The following GMNC variants were observed in gnomAD, a reference collection of about 807,000 sequenced individuals.
GMNC encodes the protein geminin coiled-coil domain-containing protein 1.
GMNC carries 16 observed loss-of-function variants against 33.6 expected under a neutral mutation model. The ratio of observed to expected loss-of-function variants is 0.48; its 90% confidence interval spans 0.32 to 0.72. The LOEUF (loss-of-function observed/expected upper bound fraction) is 0.72. GMNC is among the 30% of genes least tolerant of loss of function. The pLI is 0.03. For missense variants in GMNC, 393 were observed against 388.9 expected (o/e 1.01, Z -0.09); for synonymous variants, 156 against 147.3 (o/e 1.06, Z -0.43).
chr3:190,859,547 G>A (rs1469037419), intron 2 of GMNC, among the ~76,000 whole-genome samples: 1 of 152,150 alleles, frequency 6.6e-6, no homozygotes, highest in African/African-American at 2.4e-5. Context: ...TTATGTGGTA[G>A]CACTTTCTAC....
At position 190,857,834 on chromosome 3, in the gene GMNC, G is replaced by C. The variant is rs1281786765; in HGVS notation, c.333C>G (p.Leu111=). 2 of 1,550,938 alleles carry C rather than the reference G, an allele frequency of 1.3e-6. No individual in the cohort carries two copies. The highest frequency in any genetic ancestry group is 1.4e-5 in the African/African-American group (1 of 73,144). Residue 111 remains leucine (L), a synonymous_variant, in exon 4 of 5, where the codon CTC becomes CTG. Coordinates refer to ENST00000442080, the MANE Select transcript of GMNC (RefSeq NM_001146686.3). ...CCAAAGCAGAATTCAGGTATTGTCT[G>C]AGGTGATTATTCTCTTCGTGTAACC... ...LARLHEENNH[L]RQYLNSALVK... is the part of the protein sequence containing the mutation.
the GMNC span, among the ~76,000 whole-genome samples, chr3:190,844,411 G>T: frequency 6.6e-6 from 1 of 151,318 alleles, no homozygotes; most frequent in African/African-American, 2.4e-5. Context: ...TTTATACAAT[G>T]AAGTTGCAAT....
At chr3:190,856,946 A>T (rs1737760719) in intron 4 of GMNC, among the ~76,000 whole-genome samples, 2 of 151,706 alleles carry the variant, frequency 1.3e-5, no homozygotes, top group African/African-American at 2.4e-5. Context: ...TTTTTAACAA[A>T]GGCAACTGAA....
Position 190,855,826 on chromosome 3 carries a change from A to C in GMNC, c.474T>G (p.Ala158=). 6.4e-7 allele frequency: 1 copy of C among 1,551,134 alleles called. No homozygotes were observed. The highest frequency in any genetic ancestry group is 1.2e-5 in the South Asian group (1 of 84,052). ...TGGCATTTTTGGGATGGGGAATCTCAGCAGGAGAGTATCTTTGCTCTTTGG... is the reference window on the plus strand; with the variant it reads ...TGGCATTTTTGGGATGGGGAATCTCCGCAGGAGAGTATCTTTGCTCTTTGG... ...RKSKEQRYSP[A]EIPHPKNAKR... The change falls in exon 5 of 5, where the codon GCT becomes GCG. Residue 158 remains alanine, a synonymous_variant. Transcript: ENST00000442080.
chr3:190,858,818 T>C, intron 3 of GMNC, 110 bp downstream of exon 3: 1 of 624,190 alleles, frequency 1.6e-6, no homozygotes, highest in South Asian at 2.2e-5. Context: ...GTCACTTTGG[T>C]TCTAAACTGA....
chr3:190,846,065 C>T, the GMNC span, among the ~76,000 whole-genome samples: 2 of 151,916 alleles, frequency 1.3e-5, no homozygotes, highest in African/African-American at 4.8e-5. Flanking sequence ...CAGCCCTTAC[C>T]AAAAATACAC....
Position 190,859,117 on chromosome 3 carries a change from T to C in GMNC, c.179-101A>G. The C allele has an allele frequency of 4.1e-6, 3 of 730,570 alleles. No homozygotes were observed. In the South Asian group the frequency reaches 5.6e-5, roughly 14 times the overall value. The allele number at this position is 730,570 out of a possible 1,614,324, so 45.3% of individuals were successfully genotyped here. On this transcript the variant is annotated intron_variant, in intron 2 of 4. Transcript: ENST00000442080. Reference sequence around the variant, plus strand: ...TCAGAAAGTTTAATAGGTTCAATTATTTTTCTTAAACAGCTATTGCTGCCA... The same window carrying C: ...TCAGAAAGTTTAATAGGTTCAATTACTTTTCTTAAACAGCTATTGCTGCCA...
chr3:190,851,548 G>A (rs139695321), downstream of GMNC, among the ~76,000 whole-genome samples: 2 of 152,268 alleles, frequency 1.3e-5, no homozygotes, highest in African/African-American at 2.4e-5. Flanking sequence ...CTCATTTATA[G>A]CCAAGTTAGT....
At chr3:190,850,521 A>G (rs1394300946), downstream of GMNC, among the ~76,000 whole-genome samples, 1 of 152,184 alleles carries the variant, frequency 6.6e-6, no homozygotes, top group Non-Finnish European at 1.5e-5. Context: ...CGTTTGCAGG[A>G]GTGAGGAGCC....
Position 190,855,709 on chromosome 3 carries a change from G to A in GMNC, c.591C>T (p.Asp197=). The change falls in exon 5 of 5, where the codon GAC becomes GAT. Residue 197 remains aspartate (D), a synonymous_variant. Coordinates refer to ENST00000442080, the MANE Select transcript of GMNC (RefSeq NM_001146686.3). The stretch of plus-strand genomic sequence containing the variant: ...ATGAGGTGTCATCGATAGTGTCAAG[G>A]TCTTTTAACCCAAGTGTTTGAAGGA... ...PWVLQTLGLK[D]LDTIDDTSSA... The A allele has an allele frequency of 6.4e-7, 1 of 1,551,554 alleles. No individual in the cohort carries two copies. Among genetic ancestry groups the A allele is most frequent in the Non-Finnish European group, 8.7e-7 (1 of 1,146,898 alleles).
rs986651399 is a variant in GMNC, at chr3:190,856,398, T to C, written c.385-483A>G. Among the ~76,000 whole-genome samples, 96 of 138,840 alleles carry C rather than the reference T, an allele frequency of 6.9e-4. 3 individuals carry two copies. Among genetic ancestry groups the C allele is most frequent in the Non-Finnish European group, 1.0e-3 (67 of 65,314 alleles). 91.1% of individuals were successfully genotyped at this position (138,840 alleles called of 152,430 possible). A position where few individuals can be genotyped will look rare whatever the true frequency, so the allele number is the denominator to read the frequency against. ...AAATAGATATATTTATAAATATTTATATATTTATAAATATATTAATAAATA... is the reference window on the plus strand; with the variant it reads ...AAATAGATATATTTATAAATATTTACATATTTATAAATATATTAATAAATA... On this transcript the variant is annotated intron_variant, in intron 4 of 4. Coordinates refer to ENST00000442080, the MANE Select transcript of GMNC (RefSeq NM_001146686.3).
rs1737892656 is a variant in GMNC, at chr3:190,862,405, G to A, written c.3+208C>T. Among the ~76,000 whole-genome samples, 1 of 142,398 alleles carries A rather than the reference G, an allele frequency of 7.0e-6. No individual in the cohort carries two copies. 93.4% of individuals were successfully genotyped at this position (142,398 alleles called of 152,430 possible). ...GAGAGAGAAAGGAGAGAAAGAAGAGGGAGAGAGGGAGAGAAAGAGAGAGAG... is the reference window on the plus strand; with the variant it reads ...GAGAGAGAAAGGAGAGAAAGAAGAGAGAGAGAGGGAGAGAAAGAGAGAGAG... On this transcript the variant is annotated intron_variant, in intron 1 of 4. Coordinates refer to ENST00000442080, the MANE Select transcript of GMNC (RefSeq NM_001146686.3). This position sits in a 1 kb window ranked among gnomAD's most constrained non-coding sequence, Gnocchi z 4.5.
At chr3:190,846,092 G>A in the GMNC span, among the ~76,000 whole-genome samples, 1 of 152,062 alleles carries the variant, frequency 6.6e-6, no homozygotes, top group African/African-American at 2.4e-5. Flanking sequence ...AGCCAGGTGT[G>A]ATGGCATGCA....
intron 3 of GMNC, 37 bp downstream of exon 3, chr3:190,858,891 G>T (rs750304538): frequency 1.6e-6 from 2 of 1,229,052 alleles, no homozygotes; most frequent in South Asian, 1.3e-5. Flanking sequence ...GGACCACATA[G>T]AACATGACCA....
At chr3:190,843,619 A>G in the GMNC span, among the ~76,000 whole-genome samples, 1 of 152,144 alleles carries the variant, frequency 6.6e-6, no homozygotes, top group African/African-American at 2.4e-5. Flanking sequence ...CCTCCCACAC[A>G]GCAAACTCCA....
chr3:190,856,012 T>A, intron 4 of GMNC, 97 bp from the exon 5 acceptor site: 2 of 874,818 alleles, frequency 2.3e-6, no homozygotes, highest in Non-Finnish European at 3.4e-6. Flanking sequence ...TTCACACAAG[T>A]AAGATGGATT....
chr3:190,855,669 C>T lies in GMNC; in HGVS notation c.631G>A (p.Ala211Thr), dbSNP rs1383629778. The T allele has an allele frequency of 6.4e-7, 1 of 1,551,584 alleles. No individual in the cohort carries two copies. The highest frequency in any genetic ancestry group is 1.2e-5 in the South Asian group (1 of 84,060). The stretch of plus-strand genomic sequence containing the variant: ...ACTCTTCTGGGATGAGATGCGAGGG[C>T]ACTGTAGTTAGCTGATGAGGTGTCA... Reference protein sequence around the residue: ...IDDTSSANYSALASHPRRVAS... With the variant: ...IDDTSSANYSTLASHPRRVAS... The change falls in exon 5 of 5, where the codon GCC becomes ACC. Residue 211 changes from alanine to threonine, a missense_variant. By Grantham distance (58) the Ala-to-Thr change is moderately conservative. Transcript: ENST00000442080.
the GMNC span, among the ~76,000 whole-genome samples, chr3:190,845,807 T>G: frequency 2.6e-5 from 4 of 152,102 alleles, no homozygotes; most frequent in African/African-American, 9.7e-5. Flanking sequence ...GCGCCGGGCC[T>G]CAAAACTCTT....
downstream of GMNC, among the ~76,000 whole-genome samples, chr3:190,850,487 G>T (rs1045620755): frequency 6.6e-6 from 1 of 152,214 alleles, no homozygotes; most frequent in Non-Finnish European, 1.5e-5. Flanking sequence ...GGAAGATGGG[G>T]AAGAGCCTGA....
Sources: allele counts gnomAD v4.1 joint callset (sites outside exome capture counted in the v4.1 genomes callset), GRCh38; gene constraint gnomAD v4.1.1; non-coding constraint Gnocchi (gnomAD v3.1); transcripts MANE v1.5; gene names NCBI Gene and HGNC (gene_info 2026-07-23, HGNC 2026-07-21).